Variants in CAPN7 observed in about 807,000 individuals in gnomAD.
The protein encoded by CAPN7 is calpain-7.
In CAPN7, 72 loss-of-function variants were observed where a neutral mutation model predicts 115.2. The observed-to-expected ratio is 0.63, with a 90% CI of 0.52 to 0.76. The LOEUF (loss-of-function observed/expected upper bound fraction) is 0.76. Among genes scored for constraint, CAPN7 ranks in the 30% least tolerant of loss-of-function variants. The probability of loss-of-function intolerance (pLI) is 0.00; values close to 1 mark genes in which losing one functional copy is unlikely to be tolerated. For missense variants in CAPN7, 905 were observed against 971.5 expected (o/e 0.93, Z 0.91); for synonymous variants, 344 against 322.3 (o/e 1.07, Z -0.72).
Position 15,239,524 on chromosome 3 carries a change from T to C in CAPN7, c.1408-949T>C, listed in dbSNP as rs192827283. The stretch of plus-strand genomic sequence containing the variant: ...TGTTACCATTTCAAGGAGTTGATGA[T>C]TACATTGGGGAGACAAGATGACTAC... On this transcript the variant is annotated intron_variant, in intron 12 of 20. Transcript: ENST00000253693. 1.5e-4 allele frequency among the ~76,000 whole-genome samples: 23 copies of C among 152,290 alleles called. No individual in the cohort carries two copies. In the East Asian group the frequency reaches 3.1e-3, roughly 20 times the overall value.
chr3:15,240,689 G>A, intron 13 of CAPN7, 65 bp from the exon 14 acceptor site: 1 of 1,547,384 alleles, frequency 6.5e-7, no homozygotes, highest in South Asian at 1.2e-5. Context: ...GACAAAACAT[G>A]TGTAACTGAC....
At chr3:15,224,111 A>G (rs1266907319) in intron 6 of CAPN7, among the ~76,000 whole-genome samples, 4 of 152,234 alleles carry the variant, frequency 2.6e-5, no homozygotes, top group Admixed American at 2.0e-4. Flanking sequence ...CTGTTGCAGC[A>G]AAAAATTATT....
At chr3:15,219,675 A>C (rs144276463) in intron 4 of CAPN7, among the ~76,000 whole-genome samples, 41 of 152,344 alleles carry the variant, frequency 2.7e-4, no homozygotes, top group African/African-American at 9.1e-4. Flanking sequence ...GAAAATGTAC[A>C]TGAAATTTTT....
In CAPN7 at chr3:15,229,040, A is replaced by C; in HGVS notation, c.919A>C (p.Asn307His). ...AISAAYERRFNKKLITGIIYP... is the reference protein window; with the variant it reads ...AISAAYERRFHKKLITGIIYP... ...CAGTGCAGCTTATGAAAGACGTTTTAATAAGAAGTTAATTACCGGGTAAAA... is the reference window on the plus strand; with the variant it reads ...CAGTGCAGCTTATGAAAGACGTTTTCATAAGAAGTTAATTACCGGGTAAAA... Residue 307 changes from asparagine to histidine, a missense_variant, in exon 8 of 21, where the codon AAT becomes CAT. Around this residue, in one of 3 missense-constraint regions of CAPN7, gnomAD observed 620 missense variants for 703.4 expected, o/e 0.88. Transcript: ENST00000253693. The C allele has an allele frequency of 6.2e-7, 1 of 1,612,728 alleles. No homozygotes were observed. Among genetic ancestry groups the C allele is most frequent in the Non-Finnish European group, 8.5e-7 (1 of 1,178,862 alleles).
chr3:15,223,465 T>A lies in CAPN7; in HGVS notation c.639-10T>A. The A allele has an allele frequency of 6.4e-7, 1 of 1,562,428 alleles. No individual in the cohort carries two copies. The highest frequency in any genetic ancestry group is 8.8e-7 in the Non-Finnish European group (1 of 1,134,522). ...CTTGAACATTTAGGTTTTTTTCTCG[T>A]GTTTGATAGGACAACATCAAAAATA... On this transcript the variant is annotated splice_polypyrimidine_tract_variant and intron_variant, in intron 5 of 20. Coordinates refer to ENST00000253693, the MANE Select transcript of CAPN7 (RefSeq NM_014296.3).
In CAPN7 at chr3:15,245,589, A is replaced by G; in HGVS notation, c.1928A>G (p.Lys643Arg). 1 of 1,614,036 alleles carries G rather than the reference A, an allele frequency of 6.2e-7. No individual in the cohort carries two copies. The highest frequency in any genetic ancestry group is 8.5e-7 in the Non-Finnish European group (1 of 1,179,936). The change falls in exon 17 of 21, where the codon AAG (lysine) becomes AGG (arginine). Residue 643 changes from lysine to arginine, a missense_variant. Transcript: ENST00000253693. The stretch of plus-strand genomic sequence containing the variant: ...AGCCCTCATTATTTGACTAAGATAA[A>G]GCTGACCACACCTGGCACCCATACC... The part of the protein sequence containing the change: ...INSPHYLTKI[K>R]LTTPGTHTFT...
intron 19 of CAPN7, among the ~76,000 whole-genome samples, chr3:15,248,837 T>A (rs567710217): frequency 1.3e-4 from 19 of 151,760 alleles, no homozygotes; most frequent in South Asian, 8.3e-4. Context: ...AAAATTTTTT[T>A]AAAAATTTAG....
chr3:15,206,493 G>T lies in CAPN7; in HGVS notation c.-3G>T, dbSNP rs551911524. On this transcript the variant is annotated 5_prime_UTR_variant, in exon 1 of 21. Transcript: ENST00000253693. ...CCCTGCCCCGGCGCGGGGCCACTGC[G>T]CCATGGACGCCACAGCACTGGAGCG... 3 of 1,545,082 alleles carry T rather than the reference G, an allele frequency of 1.9e-6. No individual in the cohort carries two copies. The highest frequency in any genetic ancestry group is 2.5e-5 in the East Asian group (1 of 40,196).
rs898840855 is a variant in CAPN7, at chr3:15,251,510, T to C, written c.*250T>C. ...GAGTTGGCTTGCATTTTAGGGGCCA[T>C]TTTGTATAAAAAGTGCATATGATTA... On this transcript the variant is annotated 3_prime_UTR_variant, in exon 21 of 21. Coordinates refer to ENST00000253693, the MANE Select transcript of CAPN7 (RefSeq NM_014296.3). 4.6e-5 allele frequency: 14 copies of C among 304,528 alleles called. No homozygotes were observed. Among genetic ancestry groups the C allele is most frequent in the African/African-American group, 2.8e-4 (13 of 46,250 alleles). 18.9% of individuals were successfully genotyped at this position (304,528 alleles called of 1,614,324 possible).
intron 16 of CAPN7, 125 bp from the exon 17 acceptor site, chr3:15,245,401 C>A: frequency 2.5e-6 from 2 of 798,986 alleles, no homozygotes; most frequent in South Asian, 2.1e-5. Context: ...TCACTAATAT[C>A]ATTATATTTT....
chr3:15,218,694 C>T (rs573197697), intron 4 of CAPN7, among the ~76,000 whole-genome samples, 154 bp downstream of exon 4: 117 of 152,300 alleles, frequency 7.7e-4, no homozygotes, highest in African/African-American at 2.8e-3. Flanking sequence ...GTGAATTTAC[C>T]TCCTCTCTCT....
chr3:15,249,695 G>C (rs1695885234), intron 19 of CAPN7, among the ~76,000 whole-genome samples: 1 of 151,838 alleles, frequency 6.6e-6, no homozygotes, highest in Non-Finnish European at 1.5e-5. Context: ...AAGTACTTCT[G>C]TAAATTCAGA....
At chr3:15,208,983 A>G (rs936643122) in intron 1 of CAPN7, among the ~76,000 whole-genome samples, 2 of 152,108 alleles carry the variant, frequency 1.3e-5, no homozygotes, top group African/African-American at 4.8e-5. Context: ...GTTTCAGATT[A>G]ATATTTTGTT....
Position 15,246,716 on chromosome 3 carries a change from CT to C in CAPN7, c.2011-9del, listed in dbSNP as rs564665696. The C allele has an allele frequency of 8.3e-4, 1,291 of 1,551,498 alleles. 13 individuals are homozygous for C. In the African/African-American group the frequency reaches 0.016, roughly 19 times the overall value. On this transcript the variant is annotated splice_polypyrimidine_tract_variant and intron_variant, in intron 17 of 20. Transcript: ENST00000253693. ...TAAGTGTAAAATTTATCAATACAGT[CT>C]TTTTTTAAATCTAGGTATATTCAGC...
chr3:15,210,944 TG>T (rs1456383037), intron 1 of CAPN7: 5 of 1,168,008 alleles, frequency 4.3e-6, no homozygotes, highest in Middle Eastern at 4.8e-4. Context: ...TGTAGAAATC[TG>T]TCTTTGCTTT....
At chr3:15,234,912 G>C (rs979679123) in intron 11 of CAPN7, 113 bp from the exon 12 acceptor site, 1 of 737,492 alleles carries the variant, frequency 1.4e-6, no homozygotes, top group Non-Finnish European at 2.1e-6. Flanking sequence ...AAATTCTTCA[G>C]GGGTAGGAAC....
intron 12 of CAPN7, among the ~76,000 whole-genome samples, chr3:15,236,556 TTAA>T (rs1390595718): frequency 6.6e-6 from 1 of 152,236 alleles, no homozygotes. Context: ...CACGTGTTGC[TTAA>T]TGATGAGTGT....
chr3:15,224,280 C>CTT (rs1184824890), intron 6 of CAPN7, among the ~76,000 whole-genome samples: 1 of 134,458 alleles, frequency 7.4e-6, no homozygotes, highest in East Asian at 2.1e-4. Flanking sequence ...TTTTTTTTTT[C>CTT]TTTTTTTTTG....
chr3:15,240,316 C>A (rs1695264692), intron 12 of CAPN7, among the ~76,000 whole-genome samples, 157 bp from the exon 13 acceptor site: 1 of 152,102 alleles, frequency 6.6e-6, no homozygotes, highest in Non-Finnish European at 1.5e-5. Context: ...AGTTTTTGAT[C>A]GATGTATGAC....
Sources: allele counts gnomAD v4.1 joint callset (sites outside exome capture counted in the v4.1 genomes callset), GRCh38; gene constraint gnomAD v4.1.1; regional missense constraint gnomAD v4.1.1; transcripts MANE v1.5; gene names NCBI Gene and HGNC (gene_info 2026-07-23, HGNC 2026-07-21).